The following NKAIN3 variants were observed in gnomAD, a reference collection of about 807,000 sequenced individuals.
The protein encoded by NKAIN3 is sodium/potassium transporting ATPase interacting 3, also known as sodium/potassium-transporting ATPase subunit beta-1-interacting protein 3.
A neutral mutation model predicts 30.2 loss-of-function variants in NKAIN3; 25 were observed. The observed-to-expected ratio is 0.83, with a 90% CI of 0.60 to 1.16. The LOEUF (loss-of-function observed/expected upper bound fraction) is 1.16. Among genes scored for constraint, NKAIN3 ranks in the 50% most tolerant of loss-of-function variants. The probability of loss-of-function intolerance (pLI) is 0.00; values close to 1 mark genes in which losing one functional copy is unlikely to be tolerated. For missense variants in NKAIN3, 225 were observed against 254.1 expected (o/e 0.89, Z 0.78); for synonymous variants, 91 against 89.6 (o/e 1.02, Z -0.09).
At position 62,518,925 on chromosome 8, in the gene NKAIN3, A is replaced by T. The variant is rs578051840; in HGVS notation, c.55-60614A>T. ...CCCAGTTTTGTTGGTTCTACTATGA[A>T]GGGATTTACTAGGCAATCTCTCAGA... On this transcript the variant is annotated intron_variant, in intron 1 of 6. Transcript: ENST00000623646. 7.2e-5 allele frequency among the ~76,000 whole-genome samples: 11 copies of T among 152,260 alleles called. No homozygotes were observed. In the South Asian group the frequency reaches 2.3e-3, roughly 32 times the overall value.
chr8:62,609,924 G>T (rs2130181155), intron 3 of NKAIN3, among the ~76,000 whole-genome samples: 1 of 152,104 alleles, frequency 6.6e-6, no homozygotes, highest in Non-Finnish European at 1.5e-5. Flanking sequence ...ATTTGGATTT[G>T]GTCTCAGTAT....
Position 62,970,087 on chromosome 8 carries a change from T to C in NKAIN3, c.*4680T>C, listed in dbSNP as rs948405799. Among the ~76,000 whole-genome samples, 2 of 151,302 alleles carry C rather than the reference T, an allele frequency of 1.3e-5. No individual in the cohort carries two copies. The highest frequency in any genetic ancestry group is 4.9e-5 in the African/African-American group (2 of 41,060). ...AAAAAAAATTTAAATTAGCCAAGCA[T>C]GGTGGCATGTACCTATGACCCCAGC... On this transcript the variant is annotated 3_prime_UTR_variant, in exon 7 of 7. Transcript: ENST00000623646.
At chr8:62,701,362 G>A (rs948910715) in intron 3 of NKAIN3, among the ~76,000 whole-genome samples, 3 of 152,138 alleles carry the variant, frequency 2.0e-5, no homozygotes, top group Non-Finnish European at 2.9e-5. Flanking sequence ...GGCCACATGA[G>A]CTTTAGTCAC....
intron 1 of NKAIN3, among the ~76,000 whole-genome samples, chr8:62,552,965 C>T (rs1244275197): frequency 6.6e-6 from 1 of 152,130 alleles, no homozygotes; most frequent in Non-Finnish European, 1.5e-5. Flanking sequence ...AGAAGAAAAA[C>T]AGATGGTGGT....
chr8:62,815,266 T>G (rs1041652750), intron 4 of NKAIN3, among the ~76,000 whole-genome samples: 6 of 152,012 alleles, frequency 3.9e-5, no homozygotes, highest in Non-Finnish European at 7.4e-5. Context: ...ACCAGATGGA[T>G]TCACAGCCGA....
At chr8:62,494,756 G>A (rs1386742457) in intron 1 of NKAIN3, among the ~76,000 whole-genome samples, 1 of 152,084 alleles carries the variant, frequency 6.6e-6, no homozygotes, top group Non-Finnish European at 1.5e-5. Context: ...ATGTGTCCAG[G>A]AATTTATCCA....
At chr8:62,320,923 A>G (rs1814867111) in intron 1 of NKAIN3, among the ~76,000 whole-genome samples, 2 of 152,184 alleles carry the variant, frequency 1.3e-5, no homozygotes, top group African/African-American at 4.8e-5. Flanking sequence ...TATCCTGCAG[A>G]GTGTTTTCCA....
intron 3 of NKAIN3, among the ~76,000 whole-genome samples, chr8:62,746,051 C>T (rs560473777): frequency 5.9e-5 from 9 of 152,320 alleles, no homozygotes; most frequent in Admixed American, 2.0e-4. Flanking sequence ...GAAATTTATT[C>T]TCTCACTGTT....
Position 62,966,513 on chromosome 8 carries a change from A to G in NKAIN3, c.*1106A>G, listed in dbSNP as rs1372630205. Reference sequence around the variant, plus strand: ...TTAGTTTTGAAAAATGTACATACCCATGTAACCAAGGCCTCAATCAAAATG... The same window carrying G: ...TTAGTTTTGAAAAATGTACATACCCGTGTAACCAAGGCCTCAATCAAAATG... On this transcript the variant is annotated 3_prime_UTR_variant, in exon 7 of 7. Coordinates refer to ENST00000623646, the MANE Select transcript of NKAIN3 (RefSeq NM_001304533.3). The G allele has an allele frequency of 1.1e-5, 5 of 459,970 alleles. No homozygotes were observed. In the East Asian group the frequency reaches 7.7e-4, roughly 71 times the overall value. The allele number at this position is 459,970 out of a possible 1,614,324, so 28.5% of individuals were successfully genotyped here.
At chr8:62,382,520 A>C (rs983772014) in intron 1 of NKAIN3, among the ~76,000 whole-genome samples, 4 of 152,156 alleles carry the variant, frequency 2.6e-5, no homozygotes, top group Non-Finnish European at 5.9e-5. Context: ...TTCTCTAAGT[A>C]TGTTTCTATA....
At chr8:62,595,932 A>T (rs899508528) in intron 3 of NKAIN3, among the ~76,000 whole-genome samples, 8 of 152,012 alleles carry the variant, frequency 5.3e-5, no homozygotes, top group African/African-American at 1.9e-4. Context: ...TTGACTCTGA[A>T]AGAGACAAAC....
At chr8:62,993,728 T>C (rs1563658339) in intron 5 of NKAIN3, among the ~76,000 whole-genome samples, 1 of 152,228 alleles carries the variant, frequency 6.6e-6, no homozygotes, top group African/African-American at 2.4e-5. Context: ...AATACTATGC[T>C]AAAAGAGTCC....
chr8:62,812,090 G>T (rs1818504945), intron 4 of NKAIN3, among the ~76,000 whole-genome samples: 1 of 151,826 alleles, frequency 6.6e-6, no homozygotes, highest in South Asian at 2.1e-4. Context: ...ATTTGTGAAA[G>T]AACTATTTTT....
intron 1 of NKAIN3, among the ~76,000 whole-genome samples, chr8:62,273,108 G>C (rs1214569829): frequency 6.6e-6 from 1 of 152,188 alleles, no homozygotes; most frequent in Non-Finnish European, 1.5e-5. Flanking sequence ...GAAACAGATA[G>C]TAGGATATAT....
At chr8:62,662,422 C>T (rs1473546388) in intron 3 of NKAIN3, among the ~76,000 whole-genome samples, 1 of 152,196 alleles carries the variant, frequency 6.6e-6, no homozygotes. Flanking sequence ...CTAGAAATCC[C>T]AACCACCAAT....
intron 5 of NKAIN3, among the ~76,000 whole-genome samples, chr8:62,925,494 G>A (rs1270785626): frequency 6.6e-6 from 1 of 152,186 alleles, no homozygotes; most frequent in Non-Finnish European, 1.5e-5. Context: ...ATTTTCTGGA[G>A]AGAAGGTGTA....
chr8:62,602,830 A>C (rs1025007741), intron 3 of NKAIN3, among the ~76,000 whole-genome samples: 1 of 152,090 alleles, frequency 6.6e-6, no homozygotes, highest in African/African-American at 2.4e-5. Context: ...TAACTTCAAT[A>C]AGTCAATATT....
At chr8:62,424,801 T>C (rs1443894866) in intron 1 of NKAIN3, among the ~76,000 whole-genome samples, 1 of 151,868 alleles carries the variant, frequency 6.6e-6, no homozygotes, top group African/African-American at 2.4e-5. Context: ...TGTGTACTTA[T>C]CCAAAAGAAC....
intron 3 of NKAIN3, among the ~76,000 whole-genome samples, chr8:62,740,250 T>A (rs1356017852): frequency 2.6e-5 from 4 of 152,164 alleles, no homozygotes; most frequent in Non-Finnish European, 5.9e-5. Flanking sequence ...TCAATTGGCA[T>A]GAATTCTACT....
Sources: gnomAD v4.1 joint callset for allele counts (sites outside exome capture counted in the v4.1 genomes callset) on GRCh38, gnomAD v4.1.1 for gene constraint, MANE v1.5 for transcripts, NCBI Gene and HGNC (gene_info 2026-07-23, HGNC 2026-07-21) for gene names.